MYZAP: variants seen among roughly 807,000 people sequenced by gnomAD.
MYZAP encodes myocardial zonula adherens protein.
In MYZAP, 66 loss-of-function variants were observed where a neutral mutation model predicts 69.4. The ratio of observed to expected loss-of-function variants is 0.95; its 90% CI spans 0.78 to 1.17. The LOEUF (loss-of-function observed/expected upper bound fraction) is 1.17, where lower values mean the gene tolerates loss of function less well. Ranked by LOEUF, MYZAP falls within the 50% of genes most tolerant of loss-of-function variation. The pLI, the probability that MYZAP is intolerant of heterozygous loss-of-function variation, is 0.00. For synonymous variants in MYZAP, 256 were observed against 205.9 expected (o/e 1.24, Z -2.09); for missense variants, 611 against 556.2 (o/e 1.10, Z -0.99).
At chr15:57,654,419 G>A (rs1053621688) in intron 10 of MYZAP, among the ~76,000 whole-genome samples, 6 of 152,112 alleles carry the variant, frequency 3.9e-5, no homozygotes, top group Non-Finnish European at 8.8e-5. Flanking sequence ...AAAGTGATGT[G>A]CACCTTTTAT....
chr15:57,611,231 A>G (rs1401265120), intron 2 of MYZAP, among the ~76,000 whole-genome samples: 1 of 152,148 alleles, frequency 6.6e-6, no homozygotes, highest in Non-Finnish European at 1.5e-5. Flanking sequence ...ACAGAAAATA[A>G]CTTTCTTAGG....
intron 4 of MYZAP, among the ~76,000 whole-genome samples, chr15:57,622,482 G>A (rs1359391697): frequency 1.3e-5 from 2 of 152,078 alleles, no homozygotes; most frequent in Non-Finnish European, 2.9e-5. Flanking sequence ...AGCAACGAGA[G>A]GGAGTAGCCT....
chr15:57,624,129 A>T (rs1175232404), intron 4 of MYZAP, among the ~76,000 whole-genome samples: 2 of 152,330 alleles, frequency 1.3e-5, no homozygotes, highest in East Asian at 1.9e-4. Context: ...CTACTGAAAA[A>T]TTTAAGAAAA....
chr15:57,604,779 G>A (rs1595855945), intron 2 of MYZAP, among the ~76,000 whole-genome samples: 2 of 152,260 alleles, frequency 1.3e-5, no homozygotes, highest in African/African-American at 4.8e-5. Flanking sequence ...AGAGAGGAAA[G>A]GCTGGCAGGC....
chr15:57,628,984 G>T (rs977584123), intron 5 of MYZAP, among the ~76,000 whole-genome samples: 1 of 151,580 alleles, frequency 6.6e-6, no homozygotes, highest in African/African-American at 2.4e-5. Context: ...TCGGGAGGCT[G>T]AGGCAGGAGA....
rs1174594813 is a variant in MYZAP, at chr15:57,633,741, G to A, written c.933G>A (p.Lys311=). The A allele has an allele frequency of 6.2e-7, 1 of 1,600,952 alleles. No homozygotes were observed. Among genetic ancestry groups the A allele is most frequent in the Non-Finnish European group, 8.5e-7 (1 of 1,173,866 alleles). The change falls in exon 8 of 13, where the codon AAG becomes AAA. Residue 311 remains lysine (K), a splice_region_variant and synonymous_variant. Coordinates refer to ENST00000267853, the MANE Select transcript of MYZAP (RefSeq NM_001018100.5). ...ELDRLIERME[K]ERHQLQLQLL... is the part of the protein sequence containing the mutation. ...ACAGGCTGATTGAGCGCATGGAAAA[G>A]GTAGGACACAGCGTTGGGCCTATTG...
At chr15:57,680,515 A>ACACG (rs796592403) in intron 12 of MYZAP, among the ~76,000 whole-genome samples, 1,800 of 150,082 alleles carry the variant, frequency 0.012, 139 homozygotes, top group African/African-American at 0.043. Context: ...ACACACACAC[A>ACACG]CAAATGTATG....
intron 11 of MYZAP, among the ~76,000 whole-genome samples, chr15:57,674,598 G>T (rs1378525173): frequency 6.6e-6 from 1 of 152,128 alleles, no homozygotes. Context: ...AATAAATAAT[G>T]TATCCATAGA....
intron 5 of MYZAP, among the ~76,000 whole-genome samples, chr15:57,629,088 C>CAA (rs1274144448): frequency 8.7e-5 from 10 of 115,084 alleles, no homozygotes; most frequent in African/African-American, 2.3e-4. Flanking sequence ...GTCTCAAAAA[C>CAA]AAAAAAAAAA....
At position 57,643,279 on chromosome 15, in the gene MYZAP, T is replaced by A. The variant is rs570559266; in HGVS notation, c.1119+3734T>A. Among the ~76,000 whole-genome samples, 9 of 151,824 alleles carry A rather than the reference T, an allele frequency of 5.9e-5. No homozygotes were observed. In the East Asian group the frequency reaches 1.7e-3, roughly 30 times the overall value. ...CTGGGGCTGGGTACACAGTGGGGAG[T>A]CAAGCAGACATGGGCCGTGCTGGCA... On this transcript the variant is annotated intron_variant, in intron 10 of 12. Transcript: ENST00000267853.
chr15:57,623,075 G>T (rs780911816), intron 4 of MYZAP, among the ~76,000 whole-genome samples: 1 of 152,178 alleles, frequency 6.6e-6, no homozygotes, highest in Non-Finnish European at 1.5e-5. Context: ...GAGCTCTTTT[G>T]TGTATGACAG....
intron 10 of MYZAP, among the ~76,000 whole-genome samples, chr15:57,658,862 A>G (rs1342172468): frequency 6.6e-6 from 1 of 152,202 alleles, no homozygotes; most frequent in African/African-American, 2.4e-5. Flanking sequence ...TTTCATAGAA[A>G]TTGCAAAATT....
chr15:57,620,641 C>T (rs901775345), intron 3 of MYZAP, among the ~76,000 whole-genome samples: 3 of 152,180 alleles, frequency 2.0e-5, no homozygotes, highest in African/African-American at 7.2e-5. Flanking sequence ...TATTTACTGC[C>T]TTGCGTGTTA....
At chr15:57,650,178 C>T (rs535233175) in intron 10 of MYZAP, among the ~76,000 whole-genome samples, 1 of 152,256 alleles carries the variant, frequency 6.6e-6, no homozygotes, top group East Asian at 1.9e-4. Context: ...ACGTCGCTTT[C>T]GTCAAGCTGG....
chr15:57,637,729 A>G lies in MYZAP; in HGVS notation c.968A>G (p.His323Arg), dbSNP rs140229874. The G allele has an allele frequency of 1.2e-3, 1,904 of 1,613,184 alleles. 3 individuals are homozygous for G. Among genetic ancestry groups the G allele is most frequent in the Non-Finnish European group, 1.5e-3 (1,788 of 1,179,588 alleles). Residue 323 changes from histidine (H) to arginine (R), a missense_variant, in exon 9 of 13, where the codon CAT (histidine) becomes CGT (arginine). Physicochemically the swap from His to Arg is conservative, Grantham distance 29. Transcript: ENST00000267853. ...RHQLQLQLLE[H>R]ETEMSGELTD... ...CAACTGCAACTTCAACTCCTAGAAC[A>G]TGAAACAGAAATGTCTGGGGAGTTA...
At chr15:57,606,766 A>G (rs1595858563) in intron 2 of MYZAP, among the ~76,000 whole-genome samples, 1 of 152,224 alleles carries the variant, frequency 6.6e-6, no homozygotes, top group South Asian at 2.1e-4. Flanking sequence ...TGGGATGACT[A>G]TACAATTTTG....
Position 57,638,806 on chromosome 15 carries a change from A to G in MYZAP, c.1014-634A>G, listed in dbSNP as rs1203252266. On this transcript the variant is annotated intron_variant, in intron 9 of 12. Coordinates refer to ENST00000267853, the MANE Select transcript of MYZAP (RefSeq NM_001018100.5). The stretch of plus-strand genomic sequence containing the variant: ...CAACTGTGATTCCAGACCTTTTGGT[A>G]TTCTGCCGTTGATTTCAGATATTTT... Among the ~76,000 whole-genome samples, 4 of 152,328 alleles carry G rather than the reference A, an allele frequency of 2.6e-5. No individual in the cohort carries two copies. In the East Asian group the frequency reaches 5.8e-4, roughly 22 times the overall value.
At chr15:57,622,989 G>T (rs2035910284) in intron 4 of MYZAP, among the ~76,000 whole-genome samples, 1 of 152,050 alleles carries the variant, frequency 6.6e-6, no homozygotes, top group Admixed American at 6.6e-5. Context: ...CACGAATCAA[G>T]AAGAAAAAAG....
chr15:57,659,706 A>G (rs1195953540), intron 10 of MYZAP, among the ~76,000 whole-genome samples: 1 of 152,218 alleles, frequency 6.6e-6, no homozygotes, highest in African/African-American at 2.4e-5. Flanking sequence ...CCAATTTGAT[A>G]TACATCGTTT....
Sources: allele counts gnomAD v4.1 joint callset (sites outside exome capture counted in the v4.1 genomes callset), GRCh38; gene constraint gnomAD v4.1.1; transcripts MANE v1.5; gene names NCBI Gene and HGNC (gene_info 2026-07-23, HGNC 2026-07-21).